Variants in SH2D3C observed in about 807,000 individuals in gnomAD.
SH2D3C encodes the protein SH2 domain containing 3C.
A neutral mutation model predicts 75.2 loss-of-function variants in SH2D3C; 25 were observed. The ratio of observed to expected loss-of-function variants is 0.33; its 90% CI spans 0.24 to 0.46. SH2D3C has a LOEUF of 0.46. Ranked by LOEUF, SH2D3C falls within the 20% of genes least tolerant of loss-of-function variation. SH2D3C has a pLI of 1.00. For synonymous variants in SH2D3C, 450 were observed against 473.7 expected (o/e 0.95, Z 0.65); for missense variants, 933 against 1,165.3 (o/e 0.80, Z 2.90).
At chr9:127,747,359 C>A in intron 5 of SH2D3C, 88 bp from the exon 6 acceptor site, 1 of 1,258,206 alleles carries the variant, frequency 7.9e-7, no homozygotes, top group Non-Finnish European at 1.1e-6. Flanking sequence ...GCACCTTGAA[C>A]TTCAGAGGCA....
rs938872065 is a variant in SH2D3C, at chr9:127,774,508, G to A, written c.38-41C>T. ...GGAAGGAAAAGAAGTTAATGACAATGTCAACATCAGTGATAATAATGAACA... is the reference window on the plus strand; with the variant it reads ...GGAAGGAAAAGAAGTTAATGACAATATCAACATCAGTGATAATAATGAACA... On this transcript the variant is annotated intron_variant, in intron 1 of 11. Transcript: ENST00000314830. This position sits in a 1 kb window ranked among gnomAD's most constrained non-coding sequence, Gnocchi z 4.3. The A allele has an allele frequency of 6.2e-6, 6 of 968,484 alleles. No homozygotes were observed. The Middle Eastern group carries it at 6.4e-4, about 103-fold the overall frequency. 60.0% of individuals were successfully genotyped at this position (968,484 alleles called of 1,614,324 possible).
chr9:127,751,842 A>G lies in SH2D3C; in HGVS notation c.556-542T>C, dbSNP rs891363128. 3.3e-5 allele frequency among the ~76,000 whole-genome samples: 5 copies of G among 152,204 alleles called. No individual in the cohort carries two copies. The highest frequency in any genetic ancestry group is 7.4e-5 in the Non-Finnish European group (5 of 68,026). On this transcript the variant is annotated intron_variant, in intron 3 of 11. Transcript: ENST00000314830. This position sits in a 1 kb window ranked among gnomAD's most constrained non-coding sequence, Gnocchi z 4.1. ...GCAGCAGGTAACTGCAGGAAAAGCT[A>G]TGAACAAAACCACAGAACTGGTTGG... is the stretch of plus-strand genomic sequence containing the variant.
Position 127,751,885 on chromosome 9 carries a change from G to C in SH2D3C, c.556-585C>G, listed in dbSNP as rs1233728241. On this transcript the variant is annotated intron_variant, in intron 3 of 11. Coordinates refer to ENST00000314830, the MANE Select transcript of SH2D3C (RefSeq NM_170600.3). The surrounding 1 kb of genome is among the most constrained non-coding windows in gnomAD (Gnocchi z 4.1). ...CTGGTTGGACAAGGATACGTTCTGGGATGGTGCATTCTACAATGCAAGGGT... is the reference window on the plus strand; with the variant it reads ...CTGGTTGGACAAGGATACGTTCTGGCATGGTGCATTCTACAATGCAAGGGT... Among the ~76,000 whole-genome samples, 2 of 152,222 alleles carry C rather than the reference G, an allele frequency of 1.3e-5. No homozygotes were observed. Among genetic ancestry groups the C allele is most frequent in the Non-Finnish European group, 2.9e-5 (2 of 68,046 alleles).
At chr9:127,770,130 C>T (rs1845706708) in intron 2 of SH2D3C, among the ~76,000 whole-genome samples, 1 of 152,064 alleles carries the variant, frequency 6.6e-6, no homozygotes, top group Admixed American at 6.5e-5. Flanking sequence ...AGGGGGCAGG[C>T]TAGGCTGGTG....
chr9:127,756,588 G>C (rs1265589627), intron 3 of SH2D3C, among the ~76,000 whole-genome samples: 2 of 150,448 alleles, frequency 1.3e-5, no homozygotes, highest in Non-Finnish European at 2.9e-5. Flanking sequence ...TGAGAACTCT[G>C]AAGTTCTGGA....
chr9:127,759,213 G>A (rs1048984272), intron 3 of SH2D3C, among the ~76,000 whole-genome samples: 2 of 152,076 alleles, frequency 1.3e-5, no homozygotes, highest in African/African-American at 2.4e-5. Context: ...CCTACATCAT[G>A]CTTTTTTTTT....
At chr9:127,760,167 C>A (rs1231099798) in intron 3 of SH2D3C, among the ~76,000 whole-genome samples, 1 of 152,022 alleles carries the variant, frequency 6.6e-6, no homozygotes, top group Non-Finnish European at 1.5e-5. Context: ...AAAGTTGGAT[C>A]TGATGGATTG....
intron 3 of SH2D3C, 123 bp downstream of exon 3, chr9:127,761,488 C>T: frequency 1.6e-6 from 1 of 636,562 alleles, no homozygotes; most frequent in South Asian, 2.1e-5. Context: ...ACCTCCCCTC[C>T]TGGGAATACA....
intron 8 of SH2D3C, 48 bp from the exon 9 acceptor site, chr9:127,742,007 A>AGGGGTGC: frequency 3.2e-6 from 5 of 1,543,668 alleles, no homozygotes; most frequent in Non-Finnish European, 4.4e-6. Context: ...GACAGGGGTG[A>AGGGGTGC]GGGGTGCGGG....
At chr9:127,743,047 G>A in intron 7 of SH2D3C, 83 bp from the exon 8 acceptor site, 1 of 945,758 alleles carries the variant, frequency 1.1e-6, no homozygotes, top group Non-Finnish European at 1.6e-6. Flanking sequence ...TTATCTAAGG[G>A]GGTAGGTAGC....
intron 3 of SH2D3C, among the ~76,000 whole-genome samples, chr9:127,755,706 G>A (rs1845362484): frequency 6.6e-6 from 1 of 152,232 alleles, no homozygotes; most frequent in African/African-American, 2.4e-5. Context: ...AGACTCTGCT[G>A]GGAATCGAGG....
In SH2D3C at chr9:127,738,669, G is replaced by T; in HGVS notation, c.*77C>A. The T allele has an allele frequency of 1.4e-6, 2 of 1,413,920 alleles. No individual in the cohort carries two copies. Among genetic ancestry groups the T allele is most frequent in the Non-Finnish European group, 1.9e-6 (2 of 1,055,114 alleles). The allele number at this position is 1,413,920 out of a possible 1,614,324, so 87.6% of individuals were successfully genotyped here. ...TTCTCGGGTTGATCACAGTGTCCTT[G>T]GGGTGCTCTGGGGAAAGTTGTGTGC... On this transcript the variant is annotated 3_prime_UTR_variant, in exon 12 of 12. Transcript: ENST00000314830. This position sits in a 1 kb window ranked among gnomAD's most constrained non-coding sequence, Gnocchi z 5.0.
chr9:127,753,352 T>C (rs993258171), intron 3 of SH2D3C, among the ~76,000 whole-genome samples: 6 of 149,198 alleles, frequency 4.0e-5, no homozygotes, highest in Non-Finnish European at 8.8e-5. Flanking sequence ...CCTAGAAGGA[T>C]GATTGGGACA....
Position 127,751,610 on chromosome 9 carries a change from G to A in SH2D3C, c.556-310C>T, listed in dbSNP as rs1374675899. 6.6e-6 allele frequency among the ~76,000 whole-genome samples: 1 copy of A among 152,262 alleles called. No individual in the cohort carries two copies. The highest frequency in any genetic ancestry group is 1.5e-5 in the Non-Finnish European group (1 of 68,050). ...AGGCAAAAGCAACAGGAGCCTCTGA[G>A]TAGAGTGCGGTCAGCACCACAGCGC... On this transcript the variant is annotated intron_variant, in intron 3 of 11. Transcript: ENST00000314830. The surrounding 1 kb of genome is among the most constrained non-coding windows in gnomAD (Gnocchi z 4.1).
In SH2D3C at chr9:127,749,127, C is replaced by T. The variant is rs1412184283; in HGVS notation, c.1139+84G>A. 4 of 1,013,016 alleles carry T rather than the reference C, an allele frequency of 3.9e-6. No homozygotes were observed. Among genetic ancestry groups the T allele is most frequent in the East Asian group, 4.8e-5 (2 of 41,822 alleles). 62.8% of individuals were successfully genotyped at this position (1,013,016 alleles called of 1,614,324 possible). A position where few individuals can be genotyped will look rare whatever the true frequency, so the allele number is the denominator to read the frequency against. On this transcript the variant is annotated intron_variant, in intron 5 of 11. Transcript: ENST00000314830. This position sits in a 1 kb window ranked among gnomAD's most constrained non-coding sequence, Gnocchi z 5.9. ...AGGCTCCAGGAGAGTAATTTCATCC[C>T]ATTTCAGTGTACCTAGGCCTTCTCT...
chr9:127,761,257 G>A (rs970480959), intron 3 of SH2D3C, among the ~76,000 whole-genome samples: 9 of 152,224 alleles, frequency 5.9e-5, no homozygotes, highest in Non-Finnish European at 4.4e-5. Flanking sequence ...CCTGCTTCCA[G>A]CGCCAGCACA....
chr9:127,747,376 G>C (rs549782633), intron 5 of SH2D3C, 105 bp from the exon 6 acceptor site: 1 of 1,111,846 alleles, frequency 9.0e-7, no homozygotes, highest in Non-Finnish European at 1.2e-6. Flanking sequence ...GGCAGAGAAG[G>C]CTTGGAGATT....
Position 127,769,700 on chromosome 9 carries a change from CT to C in SH2D3C, c.515+4289del, listed in dbSNP as rs970229085. 1.7e-3 allele frequency among the ~76,000 whole-genome samples: 262 copies of C among 149,948 alleles called. 4 individuals are homozygous for C. The highest frequency in any genetic ancestry group is 6.0e-3 in the African/African-American group (246 of 40,848). On this transcript the variant is annotated intron_variant, in intron 2 of 11. Coordinates refer to ENST00000314830, the MANE Select transcript of SH2D3C (RefSeq NM_170600.3). ...AAATAAAGAAAAAACAAAAGAAAAA[CT>C]TTGAGATTTTTACTTGCAGGAGGGG...
Position 127,738,845 on chromosome 9 carries a change from A to G in SH2D3C, c.2484T>C (p.Gly828=), listed in dbSNP as rs775532341. ...FQMRLLWGSQ[G]ASSSQARRYE... ...AGCGCCGGGCCTGGCTGCTGCTGGC[A>G]CCCTGACTGCCCCAGAGAAGGCGCA... The change falls in exon 12 of 12, where the codon GGT becomes GGC. Residue 828 remains glycine (G), a synonymous_variant. Transcript: ENST00000314830. This position sits in a 1 kb window ranked among gnomAD's most constrained non-coding sequence, Gnocchi z 5.0. The G allele has an allele frequency of 1.2e-6, 2 of 1,602,018 alleles. No homozygotes were observed. The highest frequency in any genetic ancestry group is 1.7e-6 in the Non-Finnish European group (2 of 1,174,668).
Sources: allele counts gnomAD v4.1 joint callset (sites outside exome capture counted in the v4.1 genomes callset), GRCh38; gene constraint gnomAD v4.1.1; non-coding constraint Gnocchi (gnomAD v3.1); transcripts MANE v1.5; gene names NCBI Gene and HGNC (gene_info 2026-07-23, HGNC 2026-07-21).